The following SLC16A7 variants were observed in gnomAD, a reference collection of about 807,000 sequenced individuals.
SLC16A7 encodes monocarboxylate transporter 2.
A neutral mutation model predicts 34.9 loss-of-function variants in SLC16A7; 33 were observed. That is an observed-to-expected ratio of 0.94 (90% confidence interval 0.72 to 1.26). The LOEUF is 1.26. Ranked by LOEUF, SLC16A7 falls within the 50% of genes most tolerant of loss-of-function variation. SLC16A7 has a pLI of 0.00. For missense variants in SLC16A7, 573 were observed against 578.1 expected, an observed-to-expected ratio of 0.99 and a Z score of 0.09; for synonymous variants, 201 against 206.6, an observed-to-expected ratio of 0.97 and a Z score of 0.23.
chr12:59,653,181 G>A (rs1180829671), intron 1 of SLC16A7, among the ~76,000 whole-genome samples: 1 of 151,666 alleles, frequency 6.6e-6, no homozygotes, highest in African/African-American at 2.4e-5. Context: ...AAAATTAACT[G>A]TAATATTCTA....
intron 2 of SLC16A7, among the ~76,000 whole-genome samples, chr12:59,681,257 T>C (rs1315006731): frequency 6.6e-6 from 1 of 152,236 alleles, no homozygotes; most frequent in African/African-American, 2.4e-5. Context: ...GAGACAAGTG[T>C]ATGTACCATG....
At chr12:59,723,285 C>T (rs955583363) in intron 3 of SLC16A7, among the ~76,000 whole-genome samples, 1 of 151,954 alleles carries the variant, frequency 6.6e-6, no homozygotes, top group Non-Finnish European at 1.5e-5. Flanking sequence ...AAGTTACTTA[C>T]TTTCTTGGAA....
chr12:59,730,347 TAAAAA>T (rs4020154), intron 3 of SLC16A7, among the ~76,000 whole-genome samples: 1 of 144,084 alleles, frequency 6.9e-6, no homozygotes. Context: ...TTCCTAAAAT[TAAAAA>T]AAAAAAAAAA....
chr12:59,754,360 C>A (rs939641223), intron 3 of SLC16A7, among the ~76,000 whole-genome samples: 15 of 151,766 alleles, frequency 9.9e-5, no homozygotes, highest in African/African-American at 3.4e-4. Context: ...AGACTGCTAG[C>A]AAGACTAATA....
chr12:59,704,341 C>A (rs771092471), intron 2 of SLC16A7, among the ~76,000 whole-genome samples: 1 of 151,974 alleles, frequency 6.6e-6, no homozygotes, highest in African/African-American at 2.4e-5. Context: ...GCTTTGCATC[C>A]ATCATTTCGT....
intron 3 of SLC16A7, chr12:59,720,054 A>G (rs1318102553): frequency 1.4e-6 from 1 of 699,262 alleles, no homozygotes; most frequent in Non-Finnish European, 2.6e-6. Flanking sequence ...CCTCATGACT[A>G]TACCTTTCTT....
chr12:59,656,228 G>A (rs137864373), intron 2 of SLC16A7, among the ~76,000 whole-genome samples: 12 of 152,036 alleles, frequency 7.9e-5, no homozygotes, highest in African/African-American at 2.9e-4. Context: ...CAGAATAATG[G>A]ACCCCCACAT....
intron 3 of SLC16A7, among the ~76,000 whole-genome samples, chr12:59,750,964 G>A (rs1387481707): frequency 6.9e-6 from 1 of 144,504 alleles, no homozygotes; most frequent in East Asian, 2.1e-4. Flanking sequence ...CACAGGAACA[G>A]AAAACCAAAC....
chr12:59,747,583 A>G (rs1490809440), intron 3 of SLC16A7, among the ~76,000 whole-genome samples: 3 of 152,234 alleles, frequency 2.0e-5, no homozygotes, highest in Non-Finnish European at 4.4e-5. Context: ...AGAGGAGCAC[A>G]TAGGAGGCAC....
At chr12:59,611,748 G>T (rs1879204135) in intron 1 of SLC16A7, among the ~76,000 whole-genome samples, 1 of 152,202 alleles carries the variant, frequency 6.6e-6, no homozygotes, top group African/African-American at 2.4e-5. Context: ...CCAAATGGGA[G>T]AAATTGGCTA....
intron 1 of SLC16A7, among the ~76,000 whole-genome samples, chr12:59,599,456 A>C (rs1268629611): frequency 1.3e-5 from 2 of 152,226 alleles, no homozygotes; most frequent in Admixed American, 1.3e-4. Flanking sequence ...CATGAAGTGC[A>C]AACATCAAAG....
chr12:59,782,124 G>A lies in SLC16A7; in HGVS notation c.*2445G>A, dbSNP rs564995664. The A allele has an allele frequency of 2.6e-5, 4 of 152,254 alleles. No individual in the cohort carries two copies. In the East Asian group the frequency reaches 7.7e-4, roughly 29 times the overall value. The allele number at this position is 152,254 out of a possible 1,614,324, so 9.4% of individuals were successfully genotyped here. A position where few individuals can be genotyped will look rare whatever the true frequency, so the allele number is the denominator to read the frequency against. On this transcript the variant is annotated 3_prime_UTR_variant, in exon 6 of 6. Coordinates refer to ENST00000547379, the MANE Select transcript of SLC16A7 (RefSeq NM_001270623.2). ...AGAAAGTAAAACTTGCACATTCAAAGCACATGATTTGTACAGTCACACCTG... is the reference window on the plus strand; with the variant it reads ...AGAAAGTAAAACTTGCACATTCAAAACACATGATTTGTACAGTCACACCTG...
intron 1 of SLC16A7, among the ~76,000 whole-genome samples, chr12:59,644,211 T>C (rs17122775): frequency 0.12 from 18,813 of 152,138 alleles, 2,030 homozygotes; most frequent in East Asian, 0.63. Flanking sequence ...AAAGCAAAAC[T>C]ATGTGAAACT....
intron 1 of SLC16A7, among the ~76,000 whole-genome samples, chr12:59,623,114 A>G (rs1056345189): frequency 2.0e-5 from 3 of 148,286 alleles, no homozygotes; most frequent in African/African-American, 7.5e-5. Flanking sequence ...ATATGTATAT[A>G]TTTTGGGACT....
At chr12:59,751,371 G>A (rs1479590940) in intron 3 of SLC16A7, among the ~76,000 whole-genome samples, 3 of 152,198 alleles carry the variant, frequency 2.0e-5, no homozygotes. Flanking sequence ...TGTGACAGAG[G>A]CACCTGGAAA....
intron 3 of SLC16A7, among the ~76,000 whole-genome samples, chr12:59,764,692 A>G (rs1409923538): frequency 6.6e-6 from 1 of 151,910 alleles, no homozygotes; most frequent in African/African-American, 2.4e-5. Context: ...ATAATATTCC[A>G]TGGTGTATAT....
intron 3 of SLC16A7, among the ~76,000 whole-genome samples, chr12:59,751,746 A>G (rs889127783): frequency 1.3e-5 from 2 of 152,220 alleles, no homozygotes; most frequent in African/African-American, 4.8e-5. Context: ...AGCTTTGAAG[A>G]GAGCAGTGGT....
intron 3 of SLC16A7, among the ~76,000 whole-genome samples, chr12:59,708,928 A>G (rs1873904961): frequency 1.3e-5 from 2 of 151,682 alleles, no homozygotes; most frequent in African/African-American, 2.4e-5. Flanking sequence ...CTGGATGTCC[A>G]TATGTTCTCC....
chr12:59,604,626 A>T (rs1878848458), intron 1 of SLC16A7, among the ~76,000 whole-genome samples: 2 of 152,200 alleles, frequency 1.3e-5, no homozygotes, highest in South Asian at 4.1e-4. Context: ...AACTAATTTA[A>T]TCCTCAAAAC....
Sources: allele counts gnomAD v4.1 joint callset (sites outside exome capture counted in the v4.1 genomes callset), GRCh38; gene constraint gnomAD v4.1.1; transcripts MANE v1.5; gene names NCBI Gene and HGNC (gene_info 2026-07-23, HGNC 2026-07-21).